TICRR: variants seen among roughly 807,000 people sequenced by gnomAD.
TICRR encodes TOPBP1 interacting checkpoint and replication regulator.
A neutral mutation model predicts 178.1 loss-of-function variants in TICRR; 132 were observed. The ratio of observed to expected loss-of-function variants is 0.74; its 90% CI spans 0.64 to 0.86. TICRR has a LOEUF of 0.86. Ranked by LOEUF, TICRR falls within the 40% of genes least tolerant of loss-of-function variation. The probability of loss-of-function intolerance (pLI) is 0.00; values close to 1 mark genes in which losing one functional copy is unlikely to be tolerated. For missense variants in TICRR, 2,587 were observed against 2,334.3 expected (o/e 1.11, Z -2.23); for synonymous variants, 991 against 900.7 (o/e 1.10, Z -1.79).
chr15:89,596,648 T>C (rs1030609231), intron 7 of TICRR, among the ~76,000 whole-genome samples: 41 of 151,940 alleles, frequency 2.7e-4, no homozygotes, highest in African/African-American at 9.4e-4. Flanking sequence ...CGCCTGGCCT[T>C]ATTTGGCTTT....
chr15:89,588,519 G>C (rs916621019), intron 4 of TICRR, among the ~76,000 whole-genome samples: 4 of 152,146 alleles, frequency 2.6e-5, no homozygotes, highest in African/African-American at 4.8e-5. Flanking sequence ...AAGGACAGGC[G>C]ATCAGATCAA....
At position 89,599,334 on chromosome 15, in the gene TICRR, T is replaced by A. The variant is rs1179045723; in HGVS notation, c.1911T>A (p.Thr637=). The A allele has an allele frequency of 6.3e-7, 1 of 1,599,826 alleles. No individual in the cohort carries two copies. ...LRSSKPKDFK[T]EEELLSYIRE... ...TTATTTTTTTCTCAGATTTTAAAAC[T>A]GAGGAAGAGCTGCTATCATATATAC... Residue 637 remains threonine, a synonymous_variant, in exon 8 of 22, where the codon ACT becomes ACA. Coordinates refer to ENST00000268138, the MANE Select transcript of TICRR (RefSeq NM_152259.4).
chr15:89,577,172 G>A, intron 1 of TICRR, among the ~76,000 whole-genome samples: 1 of 152,078 alleles, frequency 6.6e-6, no homozygotes, highest in Admixed American at 6.6e-5. Flanking sequence ...GATTATAGGT[G>A]TGAGCCACCA....
Position 89,625,555 on chromosome 15 carries a change from C to T in TICRR, c.5245C>T (p.Gln1749Ter). ...CGAGGGAGTGTGCCAGCTCCCAGAC[C>T]AGTCGCCTCCCAGGAACAGCATGCC... ...ELEGVCQLPD[Q>*]SPPRNSMPKA... The change falls in exon 20 of 22, where the codon CAG (glutamine) becomes TAG (stop). Residue 1749 changes from glutamine (Q) to a stop codon, truncating the protein, a stop_gained. Transcript: ENST00000268138. LOFTEE classifies it high-confidence loss of function. 7 of 1,613,224 alleles carry T rather than the reference C, an allele frequency of 4.3e-6. No individual in the cohort carries two copies. Among genetic ancestry groups the T allele is most frequent in the Non-Finnish European group, 5.9e-6 (7 of 1,179,992 alleles).
At position 89,626,061 on chromosome 15, in the gene TICRR, G is replaced by A; in HGVS notation, c.5602G>A (p.Asp1868Asn). 6.2e-7 allele frequency: 1 copy of A among 1,613,750 alleles called. No individual in the cohort carries two copies. The highest frequency in any genetic ancestry group is 8.5e-7 in the Non-Finnish European group (1 of 1,179,858). The change falls in exon 21 of 22, where the codon GAT becomes AAT. Residue 1868 changes from aspartate to asparagine, a missense_variant and splice_region_variant. By Grantham distance (23) the Asp-to-Asn change is conservative (BLOSUM62 1). Transcript: ENST00000268138. ...TTCCTCTCAGAGCAAAGACCCCAGA[G>A]GTAATGTTTGTTGAAGGTCTAGGAC... is the stretch of plus-strand genomic sequence containing the variant. ...TPSSQSKDPR[D>N]EDVDVLPSTV... is the part of the protein sequence containing the mutation.
intron 5 of TICRR, among the ~76,000 whole-genome samples, chr15:89,593,307 G>C (rs143902105): frequency 6.6e-6 from 1 of 152,254 alleles, no homozygotes; most frequent in East Asian, 1.9e-4. Context: ...GTGTTTTGTA[G>C]TTTTTAATGT....
chr15:89,625,817 A>AT lies in TICRR; in HGVS notation c.5476+32dup, dbSNP rs990191833. The AT allele has an allele frequency of 4.4e-6, 7 of 1,575,984 alleles. No individual in the cohort carries two copies. In the African/African-American group the frequency reaches 9.5e-5, roughly 21 times the overall value. ...TTCGTTTTTGAAACCCAGTTTCCTC[A>AT]TGGTTTCTTTTGGTCAGAGTGCTTG... On this transcript the variant is annotated intron_variant, in intron 20 of 21. Coordinates refer to ENST00000268138, the MANE Select transcript of TICRR (RefSeq NM_152259.4).
In TICRR at chr15:89,626,953, T is replaced by C; in HGVS notation, c.5603-3T>C. 1.2e-6 allele frequency: 2 copies of C among 1,613,760 alleles called. No individual in the cohort carries two copies. Among genetic ancestry groups the C allele is most frequent in the African/African-American group, 1.3e-5 (1 of 75,032 alleles). On this transcript the variant is annotated splice_polypyrimidine_tract_variant and splice_region_variant and intron_variant, in intron 21 of 21. Transcript: ENST00000268138. ...CATGCTAAGCCTTTCTACCTTCTTC[T>C]AGATGAGGATGTGGATGTTCTTCCC...
intron 15 of TICRR, among the ~76,000 whole-genome samples, chr15:89,610,547 A>G (rs1291075010): frequency 6.6e-6 from 1 of 152,102 alleles, no homozygotes; most frequent in Non-Finnish European, 1.5e-5. Flanking sequence ...TTTGCATAGG[A>G]TATCTTTCAT....
rs767686770 is a variant in TICRR at position 89,616,418 on chromosome 15, GCTGA to G, written c.2886_2889del (p.Thr963ArgfsTer45). 3.1e-6 allele frequency: 5 copies of G among 1,613,780 alleles called. No individual in the cohort carries two copies. Among genetic ancestry groups the G allele is most frequent in the Admixed American group, 1.7e-5 (1 of 59,986 alleles). ...TTTACATTTTAGGTTATCACAAACTGCTGACTAAGAGTGTGGCCGAGACTCCAGT... is the reference window on the plus strand; with the variant it reads ...TTTACATTTTAGGTTATCACAAACTGCTAAGAGTGTGGCCGAGACTCCAGT... On this transcript the variant is annotated frameshift_variant, in exon 16 of 22. Transcript: ENST00000268138. LOFTEE classifies it high-confidence loss of function.
In TICRR at chr15:89,601,516, T is replaced by G. The variant is rs1335247935; in HGVS notation, c.2275T>G (p.Leu759Val). The change falls in exon 11 of 22, where the codon TTA (leucine) becomes GTA (valine). Residue 759 changes from leucine to valine, a missense_variant. Transcript: ENST00000268138. ...GACAGATTTGCTGCGCATGGTGTGTTTAACTGAGGATTCAGCGTACCTAGC... is the reference window on the plus strand; with the variant it reads ...GACAGATTTGCTGCGCATGGTGTGTGTAACTGAGGATTCAGCGTACCTAGC... ...EVTDLLRMVC[L>V]TEDSAYLAEF... The G allele has an allele frequency of 6.2e-7, 1 of 1,614,230 alleles. No individual in the cohort carries two copies. Among genetic ancestry groups the G allele is most frequent in the South Asian group, 1.1e-5 (1 of 91,082 alleles).
intron 15 of TICRR, among the ~76,000 whole-genome samples, chr15:89,610,287 T>G (rs529325446): frequency 5.3e-5 from 8 of 152,314 alleles, no homozygotes; most frequent in African/African-American, 1.9e-4. Flanking sequence ...ATTGTTTATT[T>G]ATTATTCAAA....
chr15:89,606,807 G>A lies in TICRR; in HGVS notation c.2704G>A (p.Val902Met). 1 of 1,613,894 alleles carries A rather than the reference G, an allele frequency of 6.2e-7. No individual in the cohort carries two copies. The highest frequency in any genetic ancestry group is 1.1e-5 in the South Asian group (1 of 91,072). The change falls in exon 14 of 22, where the codon GTG becomes ATG. Residue 902 changes from valine (V) to methionine (M), a missense_variant. By Grantham distance (21) the Val-to-Met change is conservative. Transcript: ENST00000268138. ...HPAPQQPSQP[V>M]KDTVQEVTKV... is the part of the protein sequence containing the mutation. ...TGCTCCTCAGCAGCCTTCCCAGCCA[G>A]TGAAAGATACAGTGCAAGGTATACT...
chr15:89,585,648 A>G (rs1431910624), intron 3 of TICRR, 60 bp from the exon 4 acceptor site: 7 of 1,155,116 alleles, frequency 6.1e-6, no homozygotes, highest in African/African-American at 3.0e-5. Flanking sequence ...TTAGTACACT[A>G]CATTCTTCTT....
At position 89,625,522 on chromosome 15, in the gene TICRR, T is replaced by G; in HGVS notation, c.5212T>G (p.Phe1738Val). Residue 1738 changes from phenylalanine (F) to valine (V), a missense_variant, in exon 20 of 22, where the codon TTT (phenylalanine) becomes GTT (valine). Coordinates refer to ENST00000268138, the MANE Select transcript of TICRR (RefSeq NM_152259.4). The part of the protein sequence containing the change: ...SIHRTPILED[F>V]ELEGVCQLPD... ...CCACAGGACGCCCATCTTGGAGGATTTTGAGCTCGAGGGAGTGTGCCAGCT... is the reference window on the plus strand; with the variant it reads ...CCACAGGACGCCCATCTTGGAGGATGTTGAGCTCGAGGGAGTGTGCCAGCT... The G allele has an allele frequency of 6.2e-7, 1 of 1,613,596 alleles. No homozygotes were observed.
chr15:89,626,148 G>GC, intron 21 of TICRR, 87 bp downstream of exon 21: 1 of 1,518,268 alleles, frequency 6.6e-7, no homozygotes, highest in Non-Finnish European at 8.9e-7. Flanking sequence ...TTCTAGAGGA[G>GC]CCCCAGGGAG....
In TICRR at chr15:89,585,838, C is replaced by A; in HGVS notation, c.1307C>A (p.Thr436Lys). ...GAATTTCAACGACATGTTCTCCAAA[C>A]AGCTGTGGCTGACAGCCCCCGGGAC... ...EAEFQRHVLQTAVADSPRDTA... is the reference protein window; with the variant it reads ...EAEFQRHVLQKAVADSPRDTA... Residue 436 changes from threonine to lysine, a missense_variant, in exon 4 of 22, where the codon ACA (threonine) becomes AAA (lysine). Transcript: ENST00000268138. 1 of 1,614,158 alleles carries A rather than the reference C, an allele frequency of 6.2e-7. No individual in the cohort carries two copies.
chr15:89,601,165 G>A (rs1286379910), intron 9 of TICRR, 133 bp from the exon 10 acceptor site: 1 of 647,832 alleles, frequency 1.5e-6, no homozygotes, highest in Non-Finnish European at 2.6e-6. Flanking sequence ...AACTACATCA[G>A]TTTTTAGAAA....
At chr15:89,616,257 T>C (rs1008996182) in intron 15 of TICRR, 148 bp from the exon 16 acceptor site, 2 of 630,894 alleles carry the variant, frequency 3.2e-6, no homozygotes, top group Non-Finnish European at 5.7e-6. Context: ...TTGAGTCCTG[T>C]AACCATAGAA....
Sources: gnomAD v4.1 joint callset for allele counts (sites outside exome capture counted in the v4.1 genomes callset) on GRCh38, gnomAD v4.1.1 for gene constraint, MANE v1.5 for transcripts, NCBI Gene and HGNC (gene_info 2026-07-23, HGNC 2026-07-21) for gene names.